The following FOXN2 variants were observed in gnomAD, a reference collection of about 807,000 sequenced individuals.
FOXN2 encodes the protein forkhead box protein N2.
Under a neutral mutation model 41.2 loss-of-function variants are expected in FOXN2, and 19 were observed. The observed-to-expected ratio is 0.46, with a 90% confidence interval of 0.32 to 0.68. FOXN2 has a LOEUF of 0.68. Among genes scored for constraint, FOXN2 ranks in the 30% least tolerant of loss-of-function variants. The probability of loss-of-function intolerance (pLI) is 0.03; values close to 1 mark genes in which losing one functional copy is unlikely to be tolerated. For missense variants in FOXN2, 587 were observed against 509.4 expected (o/e 1.15, Z -1.47); for synonymous variants, 195 against 176.8 (o/e 1.10, Z -0.82).
At chr2:48,345,232 T>C (rs1671018904) in intron 2 of FOXN2, among the ~76,000 whole-genome samples, 1 of 152,178 alleles carries the variant, frequency 6.6e-6, no homozygotes. Flanking sequence ...TAACTTATAG[T>C]GAATTTAATT....
At chr2:48,347,492 G>A (rs1671186318) in intron 3 of FOXN2, among the ~76,000 whole-genome samples, 2 of 151,886 alleles carry the variant, frequency 1.3e-5, no homozygotes, top group East Asian at 1.9e-4. Context: ...CTCCCAAAGT[G>A]TTGGGATTAC....
At chr2:48,320,431 C>T (rs1430958353) in intron 1 of FOXN2, among the ~76,000 whole-genome samples, 2 of 152,048 alleles carry the variant, frequency 1.3e-5, no homozygotes, top group Non-Finnish European at 2.9e-5. Flanking sequence ...GCTAGGACTA[C>T]AGGCACACAC....
At chr2:48,360,925 G>A (rs188500738) in intron 4 of FOXN2, among the ~76,000 whole-genome samples, 13 of 150,648 alleles carry the variant, frequency 8.6e-5, no homozygotes, top group African/African-American at 3.2e-4. Context: ...GAGGTGGGAG[G>A]ATCGTTTGAG....
At chr2:48,321,533 C>A (rs1669318277) in intron 1 of FOXN2, among the ~76,000 whole-genome samples, 1 of 151,334 alleles carries the variant, frequency 6.6e-6, no homozygotes, top group Admixed American at 6.6e-5. Context: ...AACACTCCAT[C>A]TCAAAAAAAA....
At chr2:48,374,801 C>G in intron 6 of FOXN2, 119 bp from the exon 7 acceptor site, 1 of 834,326 alleles carries the variant, frequency 1.2e-6, no homozygotes, top group Non-Finnish European at 1.9e-6. Context: ...AATAAAAAAT[C>G]TACAAAGCAT....
At chr2:48,370,835 A>G (rs1572780019) in intron 5 of FOXN2, among the ~76,000 whole-genome samples, 2 of 152,088 alleles carry the variant, frequency 1.3e-5, no homozygotes, top group Admixed American at 1.3e-4. Context: ...TTTGTTACCT[A>G]TGTTTTTGAG....
chr2:48,321,928 T>A (rs942744719), intron 1 of FOXN2, among the ~76,000 whole-genome samples: 4 of 152,202 alleles, frequency 2.6e-5, no homozygotes, highest in African/African-American at 9.6e-5. Context: ...CAAATAATTA[T>A]ACATAATTAG....
At position 48,376,814 on chromosome 2, in the gene FOXN2, T is replaced by G. The variant is rs1673282741; in HGVS notation, c.*1371T>G. On this transcript the variant is annotated 3_prime_UTR_variant, in exon 7 of 7. Transcript: ENST00000340553. Reference sequence around the variant, plus strand: ...TGGAAGCAACTTTCTGAAAGTTCAGTCTTATGCTACATCCTAAGTCATAGA... The same window carrying G: ...TGGAAGCAACTTTCTGAAAGTTCAGGCTTATGCTACATCCTAAGTCATAGA... 6.6e-6 allele frequency: 1 copy of G among 152,490 alleles called. No individual in the cohort carries two copies. Among genetic ancestry groups the G allele is most frequent in the Non-Finnish European group, 1.5e-5 (1 of 67,918 alleles). The allele number at this position is 152,490 out of a possible 1,614,324, so 9.4% of individuals were successfully genotyped here. A position where few individuals can be genotyped will look rare whatever the true frequency, so the allele number is the denominator to read the frequency against.
chr2:48,349,422 G>A (rs537257560), intron 3 of FOXN2, among the ~76,000 whole-genome samples: 1 of 152,212 alleles, frequency 6.6e-6, no homozygotes, highest in African/African-American at 2.4e-5. Context: ...AGGTTGCAGT[G>A]GGCCGAGATT....
chr2:48,326,776 T>G (rs1412934860), intron 1 of FOXN2, among the ~76,000 whole-genome samples: 1 of 152,178 alleles, frequency 6.6e-6, no homozygotes, highest in Non-Finnish European at 1.5e-5. Context: ...AAAATAAAAT[T>G]ACCTTCAGGC....
At chr2:48,371,741 C>G (rs545233689) in intron 5 of FOXN2, among the ~76,000 whole-genome samples, 12 of 152,094 alleles carry the variant, frequency 7.9e-5, no homozygotes, top group African/African-American at 2.7e-4. Context: ...TATGGGATGT[C>G]TGTTTGTATT....
At chr2:48,373,622 T>TA (rs1673048616) in intron 6 of FOXN2, among the ~76,000 whole-genome samples, 1 of 151,980 alleles carries the variant, frequency 6.6e-6, no homozygotes, top group African/African-American at 2.4e-5. Flanking sequence ...GAGCTAAAAG[T>TA]AAAAATGAAA....
At chr2:48,374,772 T>G in intron 6 of FOXN2, 148 bp from the exon 7 acceptor site, 1 of 641,350 alleles carries the variant, frequency 1.6e-6, no homozygotes. Flanking sequence ...TGCAAAATGA[T>G]GTGATCTGGG....
chr2:48,349,621 A>G (rs1671326882), intron 3 of FOXN2, among the ~76,000 whole-genome samples: 1 of 152,118 alleles, frequency 6.6e-6, no homozygotes, highest in East Asian at 1.9e-4. Context: ...GAAAAATACA[A>G]CAAATTAGCC....
At chr2:48,347,778 CATT>C (rs1030866966) in intron 3 of FOXN2, among the ~76,000 whole-genome samples, 9 of 152,048 alleles carry the variant, frequency 5.9e-5, no homozygotes, top group Non-Finnish European at 1.0e-4. Context: ...TAAAATTTCT[CATT>C]ATTCAGTTTT....
chr2:48,340,322 T>C (rs1198106263), intron 2 of FOXN2, among the ~76,000 whole-genome samples: 1 of 152,214 alleles, frequency 6.6e-6, no homozygotes, highest in Non-Finnish European at 1.5e-5. Flanking sequence ...TCTGAAGCAT[T>C]TCTCTCTTAC....
chr2:48,343,438 A>G (rs1350875155), intron 2 of FOXN2, among the ~76,000 whole-genome samples: 1 of 152,164 alleles, frequency 6.6e-6, no homozygotes, highest in Non-Finnish European at 1.5e-5. Flanking sequence ...CATTTTGAAA[A>G]GATTCATTAG....
chr2:48,341,028 T>A (rs1391910996), intron 2 of FOXN2, among the ~76,000 whole-genome samples: 1 of 152,218 alleles, frequency 6.6e-6, no homozygotes, highest in East Asian at 1.9e-4. Context: ...GTTATACTCC[T>A]AAAAATTAGA....
At chr2:48,368,441 G>A (rs1039202153) in intron 5 of FOXN2, among the ~76,000 whole-genome samples, 4 of 152,114 alleles carry the variant, frequency 2.6e-5, no homozygotes, top group East Asian at 1.9e-4. Context: ...TTGGGAGGCC[G>A]AGATGGATCC....
Sources: gnomAD v4.1 joint callset for allele counts (sites outside exome capture counted in the v4.1 genomes callset) on GRCh38, gnomAD v4.1.1 for gene constraint, MANE v1.5 for transcripts, NCBI Gene and HGNC (gene_info 2026-07-23, HGNC 2026-07-21) for gene names.